The following IGFL2 variants were observed in gnomAD, a reference collection of about 807,000 sequenced individuals.
IGFL2 encodes insulin growth factor-like family member 2.
Under a neutral mutation model 13.9 loss-of-function variants are expected in IGFL2, and 7 were observed. The ratio of observed to expected loss-of-function variants is 0.51; its 90% CI spans 0.29 to 0.95. IGFL2 has a LOEUF of 0.95. IGFL2 is among the 40% of genes least tolerant of loss of function. The probability of loss-of-function intolerance (pLI) is 0.08; values close to 1 mark genes in which losing one functional copy is unlikely to be tolerated. For missense variants in IGFL2, 138 were observed against 147.8 expected, an observed-to-expected ratio of 0.93 and a Z score of 0.34; for synonymous variants, 55 against 55.8, an observed-to-expected ratio of 0.99 and a Z score of 0.07.
the IGFL2 span, among the ~76,000 whole-genome samples, chr19:46,118,980 C>T: frequency 6.6e-6 from 1 of 152,070 alleles, no homozygotes; most frequent in Non-Finnish European, 1.5e-5. Flanking sequence ...CTCCCTTATA[C>T]ATACTCAAGA....
In IGFL2 at chr19:46,160,796, C is replaced by G. The variant is rs762137936; in HGVS notation, c.256C>G (p.Leu86Val). Residue 86 changes from leucine (L) to valine (V), a missense_variant, in exon 3 of 4, where the codon CTC becomes GTC. Coordinates refer to ENST00000377693, the MANE Select transcript of IGFL2 (RefSeq NM_001135113.2). Reference protein sequence around the residue: ...FELCCLDSFGLTNDFVVKLKV... With the variant: ...FELCCLDSFGVTNDFVVKLKV... ...GCTCTGCTGTCTTGATTCCTTTGGC[C>G]TCACAAACGATTTTGTTGTGAAGCT... 2 of 1,614,052 alleles carry G rather than the reference C, an allele frequency of 1.2e-6. No individual in the cohort carries two copies. Among genetic ancestry groups the G allele is most frequent in the Non-Finnish European group, 1.7e-6 (2 of 1,179,948 alleles).
intron 1 of IGFL2, chr19:46,148,920 C>A (rs1973288562): frequency 6.4e-7 from 1 of 1,554,272 alleles, no homozygotes; most frequent in Non-Finnish European, 8.7e-7. Flanking sequence ...TGCCCTCGAA[C>A]CAGACCCAGC....
chr19:46,113,427 G>A, the IGFL2 span: 1 of 396,718 alleles, frequency 2.5e-6, no homozygotes, highest in Non-Finnish European at 5.1e-6. Context: ...CATTTTGACT[G>A]AACAAATGGA....
At chr19:46,211,365 C>T in the IGFL2 span, among the ~76,000 whole-genome samples, 11 of 152,192 alleles carry the variant, frequency 7.2e-5, no homozygotes, top group Admixed American at 7.2e-4. Context: ...AGGCCTCTGG[C>T]CTGGGGAAAC....
chr19:46,199,438 C>T, the IGFL2 span, among the ~76,000 whole-genome samples: 15 of 152,146 alleles, frequency 9.9e-5, no homozygotes, highest in African/African-American at 3.6e-4. Context: ...GGGGACTCCA[C>T]GGGGCTGGCG....
chr19:46,097,318 G>A, the IGFL2 span, among the ~76,000 whole-genome samples: 1 of 152,050 alleles, frequency 6.6e-6, no homozygotes, highest in South Asian at 2.1e-4. Flanking sequence ...TGTTTATAAT[G>A]TTTTTCTGAT....
the IGFL2 span, among the ~76,000 whole-genome samples, chr19:46,191,299 G>A: frequency 5.9e-5 from 9 of 152,118 alleles, no homozygotes; most frequent in African/African-American, 2.2e-4. Flanking sequence ...TTGGGGTTGG[G>A]AGGCCGATGT....
chr19:46,147,103 G>A (rs948430163), upstream of IGFL2, among the ~76,000 whole-genome samples: 1 of 152,198 alleles, frequency 6.6e-6, no homozygotes, highest in Non-Finnish European at 1.5e-5. Flanking sequence ...AATCCCAGAT[G>A]TCTATTTTAT....
At chr19:46,178,524 C>A in the IGFL2 span, among the ~76,000 whole-genome samples, 5 of 152,236 alleles carry the variant, frequency 3.3e-5, no homozygotes, top group African/African-American at 1.2e-4. Context: ...TTTCCCAGAT[C>A]TAGGAGAGAT....
the IGFL2 span, among the ~76,000 whole-genome samples, chr19:46,094,901 T>C: frequency 0.015 from 2,280 of 152,318 alleles, 49 homozygotes; most frequent in African/African-American, 0.05. Flanking sequence ...GGTGTATATG[T>C]GCCATGTTTT....
upstream of IGFL2, among the ~76,000 whole-genome samples, chr19:46,140,802 A>AG (rs1240304634): frequency 1.3e-5 from 2 of 152,164 alleles, no homozygotes; most frequent in East Asian, 3.9e-4. Context: ...CTCAGGGTGG[A>AG]GCAGTCTGAG....
the IGFL2 span, among the ~76,000 whole-genome samples, chr19:46,092,687 C>T: frequency 2.6e-5 from 4 of 151,590 alleles, no homozygotes; most frequent in African/African-American, 9.7e-5. Flanking sequence ...CACTGTGTTG[C>T]CTAGGCTTGT....
chr19:46,176,184 CA>C, the IGFL2 span, among the ~76,000 whole-genome samples: 2,893 of 117,318 alleles, frequency 0.025, 49 homozygotes, highest in East Asian at 0.084. Flanking sequence ...AAATTAATGC[CA>C]AAAAAAAAAA....
At chr19:46,122,562 T>C in the IGFL2 span, among the ~76,000 whole-genome samples, 1 of 151,070 alleles carries the variant, frequency 6.6e-6, no homozygotes, top group South Asian at 2.1e-4. Flanking sequence ...ATGACAGATT[T>C]TTTTGGTAAA....
At chr19:46,137,490 C>G in the IGFL2 span, 1 of 1,156,900 alleles carries the variant, frequency 8.6e-7, no homozygotes. Context: ...GGCAGGTTGC[C>G]CCTTCTCCTT....
At chr19:46,132,578 G>C in the IGFL2 span, among the ~76,000 whole-genome samples, 1 of 152,006 alleles carries the variant, frequency 6.6e-6, no homozygotes, top group Non-Finnish European at 1.5e-5. Context: ...AGTGGTGAGG[G>C]GTTTTGAATA....
At chr19:46,167,068 A>G in the IGFL2 span, among the ~76,000 whole-genome samples, 19 of 152,374 alleles carry the variant, frequency 1.2e-4, no homozygotes, top group Non-Finnish European at 2.4e-4. Context: ...GTAAGTGTCC[A>G]TGAAATCTTT....
the IGFL2 span, among the ~76,000 whole-genome samples, chr19:46,206,214 C>G: frequency 6.6e-6 from 1 of 152,284 alleles, no homozygotes; most frequent in Non-Finnish European, 1.5e-5. Context: ...GTCATCATCA[C>G]CCACTGCTGT....
the IGFL2 span, among the ~76,000 whole-genome samples, chr19:46,125,207 C>T: frequency 3.3e-5 from 5 of 152,286 alleles, no homozygotes; most frequent in Admixed American, 6.5e-5. Flanking sequence ...AGTTGAGCCA[C>T]GGCTCTGGAA....
Sources: gnomAD v4.1 joint callset for allele counts (sites outside exome capture counted in the v4.1 genomes callset) on GRCh38, gnomAD v4.1.1 for gene constraint, MANE v1.5 for transcripts, NCBI Gene and HGNC (gene_info 2026-07-23, HGNC 2026-07-21) for gene names.